Variants in GRM8 observed in about 807,000 individuals in gnomAD.
GRM8 encodes metabotropic glutamate receptor 8.
In GRM8, 47 loss-of-function variants were observed where a neutral mutation model predicts 87.2. That is an observed-to-expected ratio of 0.54 (90% CI 0.43 to 0.69). GRM8 has a LOEUF of 0.69. GRM8 is among the 30% of genes least tolerant of loss of function. The pLI is 0.00. For synonymous variants in GRM8, 396 were observed against 404.5 expected (o/e 0.98, Z 0.25); for missense variants, 1,019 against 1,139.2 (o/e 0.89, Z 1.52).
intron 8 of GRM8, among the ~76,000 whole-genome samples, chr7:126,598,561 C>T (rs1336320237): frequency 1.3e-5 from 2 of 151,928 alleles, no homozygotes; most frequent in Non-Finnish European, 2.9e-5. Context: ...ATTTGTCCTA[C>T]TGTGATAAAT....
intron 2 of GRM8, among the ~76,000 whole-genome samples, chr7:127,146,502 C>A (rs544853296): frequency 1.3e-5 from 2 of 152,120 alleles, no homozygotes; most frequent in East Asian, 3.9e-4. Flanking sequence ...ACAAGGGAAA[C>A]CCAGGGACAA....
intron 3 of GRM8, among the ~76,000 whole-genome samples, chr7:126,913,155 T>A (rs1803498739): frequency 6.6e-6 from 1 of 152,212 alleles, no homozygotes; most frequent in South Asian, 2.1e-4. Flanking sequence ...AATTGAGGAT[T>A]AACTTATTGG....
chr7:126,966,245 C>T (rs984571369), intron 3 of GRM8, among the ~76,000 whole-genome samples: 1 of 152,084 alleles, frequency 6.6e-6, no homozygotes, highest in Non-Finnish European at 1.5e-5. Flanking sequence ...AGCCATCCTC[C>T]CACCTCAGCC....
At chr7:127,159,622 T>C (rs1792970309) in intron 2 of GRM8, among the ~76,000 whole-genome samples, 1 of 152,138 alleles carries the variant, frequency 6.6e-6, no homozygotes, top group Non-Finnish European at 1.5e-5. Context: ...ATTGTAATTT[T>C]TAAATTGTGT....
intron 6 of GRM8, among the ~76,000 whole-genome samples, chr7:126,788,220 G>C (rs1348829117): frequency 6.6e-6 from 1 of 151,716 alleles, no homozygotes; most frequent in African/African-American, 2.4e-5. Flanking sequence ...GACCAGTCTA[G>C]CCAACATGTC....
chr7:126,994,145 C>T (rs1439389999), intron 3 of GRM8, among the ~76,000 whole-genome samples: 3 of 152,142 alleles, frequency 2.0e-5, no homozygotes, highest in Admixed American at 6.5e-5. Flanking sequence ...TGGATGCCAG[C>T]TAAACCAACA....
At chr7:127,213,813 C>T (rs146634061) in intron 2 of GRM8, among the ~76,000 whole-genome samples, 33 of 152,234 alleles carry the variant, frequency 2.2e-4, no homozygotes, top group African/African-American at 7.5e-4. Context: ...GACAAGATTT[C>T]ATCTGGTTTA....
intron 9 of GRM8, among the ~76,000 whole-genome samples, chr7:126,489,494 T>A (rs1294163334): frequency 6.6e-6 from 1 of 152,026 alleles, no homozygotes; most frequent in Admixed American, 6.6e-5. Context: ...ATAATCCACA[T>A]AAAGCAAAGA....
chr7:126,455,978 T>C (rs1803179781), intron 9 of GRM8, among the ~76,000 whole-genome samples: 2 of 151,562 alleles, frequency 1.3e-5, no homozygotes, highest in Non-Finnish European at 3.0e-5. Context: ...ATTATTGTTA[T>C]CTTAGAGAAG....
At chr7:126,656,905 A>T (rs1220662309) in intron 7 of GRM8, among the ~76,000 whole-genome samples, 1 of 152,218 alleles carries the variant, frequency 6.6e-6, no homozygotes, top group East Asian at 1.9e-4. Context: ...TCCACTTCTG[A>T]CATCGGTTGC....
At chr7:126,496,260 G>A (rs370830502) in intron 9 of GRM8, among the ~76,000 whole-genome samples, 26 of 151,936 alleles carry the variant, frequency 1.7e-4, no homozygotes, top group East Asian at 7.8e-4. Context: ...ATGGATATAC[G>A]GAAGAAAGGA....
rs1019374434 is a variant in GRM8 at position 127,228,601 on chromosome 7, T to C, written c.510+14094A>G. 4 of 152,186 alleles carry C rather than the reference T, an allele frequency of 2.6e-5. No homozygotes were observed. In the Middle Eastern group the frequency reaches 0.01, roughly 388 times the overall value. The allele number at this position is 152,186 out of a possible 1,614,324, so 9.4% of individuals were successfully genotyped here. ...AGGCTATAGAAGAAAACCTCAAAAG[T>C]CTCTTCCAATTCTAAGGTTTCATGA... On this transcript the variant is annotated intron_variant, in intron 2 of 10. Transcript: ENST00000339582.
At chr7:126,505,186 C>A (rs191711703) in intron 9 of GRM8, among the ~76,000 whole-genome samples, 83 of 152,148 alleles carry the variant, frequency 5.5e-4, no homozygotes, top group Non-Finnish European at 1.0e-3. Context: ...ATAAAAACCA[C>A]AACAGTTCTG....
chr7:127,059,331 CTTTTTTTTTTTTTTGT>C (rs1820371605), intron 3 of GRM8, among the ~76,000 whole-genome samples: 1 of 130,592 alleles, frequency 7.7e-6, no homozygotes, highest in Non-Finnish European at 1.6e-5. Context: ...TTTTTTTTTG[CTTTTTTTTTTTTTTGT>C]TTTTTTTGAG....
chr7:127,202,804 C>T (rs548565596), intron 2 of GRM8, among the ~76,000 whole-genome samples: 3 of 152,066 alleles, frequency 2.0e-5, no homozygotes, highest in Non-Finnish European at 4.4e-5. Context: ...TTAAATATGC[C>T]GGTTTCATCC....
chr7:126,528,715 C>T (rs1814324481), intron 9 of GRM8, among the ~76,000 whole-genome samples: 1 of 151,888 alleles, frequency 6.6e-6, no homozygotes, highest in African/African-American at 2.4e-5. Context: ...CAAGTCTTCT[C>T]TAGTTCGAGA....
chr7:126,839,349 G>A (rs1318559182), intron 6 of GRM8, among the ~76,000 whole-genome samples: 1 of 152,134 alleles, frequency 6.6e-6, no homozygotes, highest in Admixed American at 6.6e-5. Flanking sequence ...TTAGGATCTG[G>A]ATTTTAATAA....
intron 2 of GRM8, among the ~76,000 whole-genome samples, chr7:127,180,107 G>A (rs1314307467): frequency 6.6e-6 from 1 of 152,010 alleles, no homozygotes; most frequent in Non-Finnish European, 1.5e-5. Flanking sequence ...CCATCAGCAA[G>A]ATTAACCAAG....
intron 6 of GRM8, among the ~76,000 whole-genome samples, chr7:126,850,934 C>T (rs1797156088): frequency 6.6e-6 from 1 of 152,132 alleles, no homozygotes; most frequent in African/African-American, 2.4e-5. Context: ...AATCCCATGA[C>T]TTTAAATTCC....
Sources: allele counts gnomAD v4.1 joint callset (sites outside exome capture counted in the v4.1 genomes callset), GRCh38; gene constraint gnomAD v4.1.1; transcripts MANE v1.5; gene names NCBI Gene and HGNC (gene_info 2026-07-23, HGNC 2026-07-21).